The following UNC13B variants were observed in gnomAD, a reference collection of about 807,000 sequenced individuals.
The protein encoded by UNC13B is protein unc-13 homolog B.
UNC13B carries 144 observed loss-of-function variants against 211.0 expected under a neutral mutation model. The ratio of observed to expected loss-of-function variants is 0.68; its 90% CI spans 0.60 to 0.78. The LOEUF is 0.78. Among genes scored for constraint, UNC13B ranks in the 30% least tolerant of loss-of-function variants. The pLI is 0.00. For missense variants in UNC13B, 1,777 were observed against 2,002.0 expected, an observed-to-expected ratio of 0.89 and a Z score of 2.14; for synonymous variants, 709 against 725.8, an observed-to-expected ratio of 0.98 and a Z score of 0.37.
chr9:35,228,142 T>A, intron 2 of UNC13B, 98 bp downstream of exon 2: 2 of 1,111,392 alleles, frequency 1.8e-6, no homozygotes, highest in Non-Finnish European at 1.3e-6. Context: ...ATTCAGTAAT[T>A]TGATTCATTA....
chr9:35,243,176 G>C, intron 5 of UNC13B, 115 bp from the exon 6 acceptor site: 1 of 964,982 alleles, frequency 1.0e-6, no homozygotes, highest in Non-Finnish European at 1.6e-6. Flanking sequence ...GTTAAAACTT[G>C]TGCATCACTA....
intron 2 of UNC13B, among the ~76,000 whole-genome samples, 184 bp from the exon 3 acceptor site, chr9:35,230,936 A>G (rs1187117522): frequency 6.6e-6 from 1 of 152,226 alleles, no homozygotes; most frequent in Non-Finnish European, 1.5e-5. Flanking sequence ...TGAAGATAGC[A>G]CGTAGTTTTA....
intron 1 of UNC13B, among the ~76,000 whole-genome samples, chr9:35,184,175 C>T (rs1822194272): frequency 6.6e-6 from 1 of 150,816 alleles, no homozygotes; most frequent in Admixed American, 6.6e-5. Context: ...CAGAGGCGCC[C>T]CTCACTTCCC....
chr9:35,187,746 C>T (rs1264626884), intron 1 of UNC13B, among the ~76,000 whole-genome samples: 1 of 152,136 alleles, frequency 6.6e-6, no homozygotes, highest in African/African-American at 2.4e-5. Context: ...TGGGTGATCC[C>T]CTCCTCTTAA....
chr9:35,167,754 ATTTTTTTTTTT>A (rs765603183), intron 1 of UNC13B, among the ~76,000 whole-genome samples: 9 of 115,668 alleles, frequency 7.8e-5, no homozygotes, highest in Admixed American at 9.3e-5. Flanking sequence ...TGCCTGGCTA[ATTTTTTTTTTT>A]TTTTTTTTTT....
intron 7 of UNC13B, among the ~76,000 whole-genome samples, chr9:35,290,230 G>A (rs1231154731): frequency 2.0e-5 from 3 of 152,074 alleles, no homozygotes; most frequent in Non-Finnish European, 4.4e-5. Flanking sequence ...TTCAGAAGAA[G>A]TGGCTCTCTT....
chr9:35,357,629 T>C (rs1235444218), intron 11 of UNC13B, among the ~76,000 whole-genome samples: 1 of 151,530 alleles, frequency 6.6e-6, no homozygotes, highest in Admixed American at 6.6e-5. Flanking sequence ...GGCTCATGTC[T>C]GTAATCCCAG....
chr9:35,390,047 T>G, intron 25 of UNC13B, 74 bp downstream of exon 25: 1 of 1,587,296 alleles, frequency 6.3e-7, no homozygotes, highest in Non-Finnish European at 8.6e-7. Context: ...CTTTCTTTCC[T>G]GTCTCTGTAT....
At chr9:35,314,997 C>T (rs778347632) in intron 11 of UNC13B, among the ~76,000 whole-genome samples, 1 of 147,858 alleles carries the variant, frequency 6.8e-6, no homozygotes, top group African/African-American at 2.5e-5. Flanking sequence ...CTACCTGTGC[C>T]TCTTTAGTAG....
chr9:35,217,674 C>T (rs925607892), intron 1 of UNC13B, among the ~76,000 whole-genome samples: 1 of 152,116 alleles, frequency 6.6e-6, no homozygotes, highest in Non-Finnish European at 1.5e-5. Flanking sequence ...CAGGCGTGAG[C>T]CACTGTGCCC....
intron 13 of UNC13B, 131 bp from the exon 14 acceptor site, chr9:35,374,996 G>C: frequency 1.1e-6 from 1 of 922,308 alleles, no homozygotes; most frequent in Non-Finnish European, 1.7e-6. Context: ...GGCGGTTGCT[G>C]TGAGTGACAA....
In UNC13B at chr9:35,384,272, C is replaced by T; in HGVS notation, c.10833C>T (p.Asp3611=). ...AAGAGAGATTTGTAAAACTGCTGGA[C>T]CAGCTACACAACTCACTGAGGATCG... ...FGKERFVKLL[D]QLHNSLRIDL... Residue 3611 remains aspartate, a synonymous_variant, in exon 22 of 40, where the codon GAC becomes GAT. Coordinates refer to ENST00000635942, the MANE Select transcript of UNC13B (RefSeq NM_001371189.2). The T allele has an allele frequency of 1.9e-6, 3 of 1,614,062 alleles. No homozygotes were observed. Among genetic ancestry groups the T allele is most frequent in the Non-Finnish European group, 2.5e-6 (3 of 1,179,974 alleles).
chr9:35,266,400 T>G (rs996830324), intron 7 of UNC13B, among the ~76,000 whole-genome samples: 9 of 152,216 alleles, frequency 5.9e-5, no homozygotes, highest in African/African-American at 1.9e-4. Flanking sequence ...AACTCTCCCT[T>G]TGATACAAGA....
intron 6 of UNC13B, among the ~76,000 whole-genome samples, chr9:35,249,304 T>G (rs949604842): frequency 6.6e-6 from 1 of 152,222 alleles, no homozygotes; most frequent in South Asian, 2.1e-4. Context: ...CTTGACTCTT[T>G]ATCCAATTTG....
chr9:35,186,010 GA>G (rs1187359207), intron 1 of UNC13B, among the ~76,000 whole-genome samples: 1 of 151,602 alleles, frequency 6.6e-6, no homozygotes, highest in Non-Finnish European at 1.5e-5. Context: ...TTGGCCAAGG[GA>G]AACCCAAAGA....
chr9:35,374,649 A>G (rs1587722192), intron 13 of UNC13B, among the ~76,000 whole-genome samples: 1 of 152,232 alleles, frequency 6.6e-6, no homozygotes, highest in Admixed American at 6.5e-5. Context: ...CTCTGCAGCC[A>G]TCCAGGGATT....
At chr9:35,238,855 G>A (rs112335402) in intron 5 of UNC13B, among the ~76,000 whole-genome samples, 7 of 151,656 alleles carry the variant, frequency 4.6e-5, no homozygotes, top group African/African-American at 1.7e-4. Context: ...ACCATGCCTG[G>A]CCTACCATAA....
intron 17 of UNC13B, among the ~76,000 whole-genome samples, 170 bp from the exon 18 acceptor site, chr9:35,380,300 A>G (rs537262684): frequency 6.6e-6 from 1 of 152,286 alleles, no homozygotes; most frequent in Admixed American, 6.5e-5. Flanking sequence ...ATGAAGAGTC[A>G]TTTGCTAGGA....
At chr9:35,364,599 T>C (rs959353612) in intron 11 of UNC13B, 1 of 1,535,078 alleles carries the variant, frequency 6.5e-7, no homozygotes, top group African/African-American at 1.4e-5. Flanking sequence ...GTCGTCCTTT[T>C]TTGTCTATTT....
Sources: gnomAD v4.1 joint callset for allele counts (sites outside exome capture counted in the v4.1 genomes callset) on GRCh38, gnomAD v4.1.1 for gene constraint, MANE v1.5 for transcripts, NCBI Gene and HGNC (gene_info 2026-07-23, HGNC 2026-07-21) for gene names.